Variants in RASGRF2 observed in about 807,000 individuals in gnomAD.
The protein encoded by RASGRF2 is ras-specific guanine nucleotide-releasing factor 2.
In RASGRF2, 76 loss-of-function variants were observed where a neutral mutation model predicts 151.0. The observed-to-expected ratio is 0.50, with a 90% CI of 0.42 to 0.61. RASGRF2 has a LOEUF of 0.61. Ranked by LOEUF, RASGRF2 falls within the 20% of genes least tolerant of loss-of-function variation. The pLI is 0.00. For missense variants in RASGRF2, 1,148 were observed against 1,564.6 expected (o/e 0.73, Z 4.49); for synonymous variants, 504 against 566.5 (o/e 0.89, Z 1.57).
chr5:81,071,252 C>T (rs780822446), intron 4 of RASGRF2, among the ~76,000 whole-genome samples: 5 of 152,216 alleles, frequency 3.3e-5, no homozygotes, highest in African/African-American at 4.8e-5. Flanking sequence ...CCTGGATATA[C>T]ATCTTCAAAT....
At chr5:81,171,947 G>A (rs538898719) in intron 17 of RASGRF2, among the ~76,000 whole-genome samples, 1 of 152,282 alleles carries the variant, frequency 6.6e-6, no homozygotes, top group South Asian at 2.1e-4. Context: ...GCTGATGACA[G>A]CAGCGATGGG....
intron 13 of RASGRF2, 123 bp downstream of exon 13, chr5:81,109,201 A>G: frequency 4.2e-6 from 6 of 1,412,972 alleles, no homozygotes; most frequent in Non-Finnish European, 5.6e-6. Flanking sequence ...GTTTCTTGAC[A>G]GGAATGCAGT....
At chr5:81,064,378 T>A (rs771451185) in intron 2 of RASGRF2, among the ~76,000 whole-genome samples, 10 of 152,330 alleles carry the variant, frequency 6.6e-5, no homozygotes, top group Non-Finnish European at 1.0e-4. Flanking sequence ...CAGAGTCTTA[T>A]AAACCGATCA....
At chr5:81,115,769 C>T (rs560513372) in intron 15 of RASGRF2, among the ~76,000 whole-genome samples, 3 of 152,258 alleles carry the variant, frequency 2.0e-5, no homozygotes, top group South Asian at 2.1e-4. Context: ...CTTCTCTGTG[C>T]AGGATACTGT....
chr5:81,208,298 T>C, intron 21 of RASGRF2, 56 bp from the exon 22 acceptor site: 1 of 1,447,050 alleles, frequency 6.9e-7, no homozygotes, highest in South Asian at 1.2e-5. Flanking sequence ...TCCAGGATCA[T>C]AGCCACCATA....
At chr5:81,038,442 A>G (rs955533738) in intron 1 of RASGRF2, among the ~76,000 whole-genome samples, 2 of 152,006 alleles carry the variant, frequency 1.3e-5, no homozygotes, top group Non-Finnish European at 2.9e-5. Context: ...CCTGATTATG[A>G]GTACAATTAA....
At chr5:80,965,227 A>T (rs1747687182) in intron 1 of RASGRF2, among the ~76,000 whole-genome samples, 1 of 152,080 alleles carries the variant, frequency 6.6e-6, no homozygotes, top group Non-Finnish European at 1.5e-5. Context: ...CGAACTCTGA[A>T]ATATTTGTGG....
chr5:81,029,981 A>G (rs10045374), intron 1 of RASGRF2, among the ~76,000 whole-genome samples: 17,152 of 152,272 alleles, frequency 0.11, 1,248 homozygotes, highest in Non-Finnish European at 0.16. Context: ...GCTGAAAACC[A>G]TGGCACGAGA....
chr5:81,125,672 G>A (rs769408662), intron 16 of RASGRF2, among the ~76,000 whole-genome samples: 8 of 152,158 alleles, frequency 5.3e-5, no homozygotes, highest in East Asian at 1.9e-4. Flanking sequence ...TGTTCAAGGC[G>A]TTACAATTAT....
At chr5:81,102,765 AG>A (rs982886136) in intron 12 of RASGRF2, among the ~76,000 whole-genome samples, 1 of 152,136 alleles carries the variant, frequency 6.6e-6, no homozygotes, top group Non-Finnish European at 1.5e-5. Flanking sequence ...CATGGTGTAA[AG>A]TGCCAAACTG....
At chr5:81,039,702 A>G (rs1440320969) in intron 1 of RASGRF2, among the ~76,000 whole-genome samples, 1 of 152,178 alleles carries the variant, frequency 6.6e-6, no homozygotes, top group Admixed American at 6.6e-5. Context: ...ATATTAGTAA[A>G]TCCATTAATA....
chr5:81,017,914 A>G (rs1749692768), intron 1 of RASGRF2, among the ~76,000 whole-genome samples: 1 of 152,116 alleles, frequency 6.6e-6, no homozygotes, highest in Non-Finnish European at 1.5e-5. Context: ...CCTGGCCAAC[A>G]TGGCAAAACC....
At chr5:81,038,672 C>T (rs138778332) in intron 1 of RASGRF2, among the ~76,000 whole-genome samples, 1,651 of 148,014 alleles carry the variant, frequency 0.011, 23 homozygotes, top group African/African-American at 0.035. Context: ...AACTCTTGGC[C>T]TCCAGCAGTC....
At chr5:81,141,833 G>A (rs145829948) in intron 17 of RASGRF2, among the ~76,000 whole-genome samples, 39 of 152,296 alleles carry the variant, frequency 2.6e-4, no homozygotes, top group African/African-American at 8.7e-4. Flanking sequence ...TTCATTCACA[G>A]CATTGTGGAA....
intron 5 of RASGRF2, among the ~76,000 whole-genome samples, chr5:81,077,119 G>T (rs372215776): frequency 6.6e-6 from 1 of 152,318 alleles, no homozygotes; most frequent in Non-Finnish European, 1.5e-5. Flanking sequence ...AAGGTGGTGG[G>T]ATCTGGGGAT....
Position 81,040,244 on chromosome 5 carries a change from A to C in RASGRF2, c.289-2633A>C, listed in dbSNP as rs547049400. Among the ~76,000 whole-genome samples the C allele has an allele frequency of 4.4e-4, 67 of 152,274 alleles. No individual in the cohort carries two copies. In the Middle Eastern group the frequency reaches 0.024, roughly 54 times the overall value. ...GGATGATCTCAAACTCCTGGGCTCA[A>C]GCGATCCTCCTGTCTCAGCCTCCAA... is the stretch of plus-strand genomic sequence containing the variant. On this transcript the variant is annotated intron_variant, in intron 1 of 26. Transcript: ENST00000265080.
intron 12 of RASGRF2, among the ~76,000 whole-genome samples, chr5:81,097,580 G>A (rs1209776793): frequency 6.6e-6 from 1 of 152,188 alleles, no homozygotes; most frequent in Non-Finnish European, 1.5e-5. Flanking sequence ...GGGTGGGTTG[G>A]TAGAGTTTTT....
intron 16 of RASGRF2, among the ~76,000 whole-genome samples, chr5:81,125,671 C>T (rs746296016): frequency 9.9e-5 from 15 of 152,234 alleles, no homozygotes; most frequent in Admixed American, 2.6e-4. Flanking sequence ...CTGTTCAAGG[C>T]GTTACAATTA....
intron 1 of RASGRF2, among the ~76,000 whole-genome samples, chr5:81,004,286 CT>C (rs1203189857): frequency 5.3e-5 from 8 of 152,176 alleles, no homozygotes; most frequent in Non-Finnish European, 1.0e-4. Flanking sequence ...TTATGCTCAG[CT>C]ACTGTTTTTG....
Sources: gnomAD v4.1 joint callset for allele counts (sites outside exome capture counted in the v4.1 genomes callset) on GRCh38, gnomAD v4.1.1 for gene constraint, MANE v1.5 for transcripts, NCBI Gene and HGNC (gene_info 2026-07-23, HGNC 2026-07-21) for gene names.